ANKFY1: variants seen among roughly 807,000 people sequenced by gnomAD.
ANKFY1 encodes ankyrin repeat and FYVE domain containing 1.
Under a neutral mutation model 128.3 loss-of-function variants are expected in ANKFY1, and 47 were observed. The observed-to-expected ratio is 0.37, with a 90% confidence interval of 0.29 to 0.47. The LOEUF is 0.47. Ranked by LOEUF, ANKFY1 falls within the 20% of genes least tolerant of loss-of-function variation. The pLI is 1.00. For missense variants in ANKFY1, 1,222 were observed against 1,510.6 expected (o/e 0.81, Z 3.17); for synonymous variants, 553 against 601.6 (o/e 0.92, Z 1.18).
rs745966932 is a variant in ANKFY1 at position 4,194,883 on chromosome 17, C to T, written c.1372+95G>A. The T allele has an allele frequency of 1.1e-4, 121 of 1,119,146 alleles. 2 individuals carry two copies. The South Asian group carries it at 1.5e-3, about 14-fold the overall frequency. The allele number at this position is 1,119,146 out of a possible 1,614,324, so 69.3% of individuals were successfully genotyped here. A position where few individuals can be genotyped will look rare whatever the true frequency, so the allele number is the denominator to read the frequency against. ...CAAAATAATTATCCTCATAGTATGC[C>T]GTTCAGTTTCTAAATTTGGGGTGAA... is the stretch of plus-strand genomic sequence containing the variant. On this transcript the variant is annotated intron_variant, in intron 10 of 24. Coordinates refer to ENST00000341657, the MANE Select transcript of ANKFY1 (RefSeq NM_001330063.2).
At chr17:4,245,080 C>T (rs1320406982) in intron 1 of ANKFY1, among the ~76,000 whole-genome samples, 2 of 152,170 alleles carry the variant, frequency 1.3e-5, no homozygotes, top group Non-Finnish European at 2.9e-5. Context: ...TCTGACACCA[C>T]ATTGCACTGT....
chr17:4,167,769 G>C lies in ANKFY1; in HGVS notation c.*10C>G. ...ACCAAGGACGTGGCCTGGACCCTCCGGGGGGCTCACTAAGAAACCCCACCC... is the reference window on the plus strand; with the variant it reads ...ACCAAGGACGTGGCCTGGACCCTCCCGGGGGCTCACTAAGAAACCCCACCC... On this transcript the variant is annotated 3_prime_UTR_variant, in exon 25 of 25. Coordinates refer to ENST00000341657, the MANE Select transcript of ANKFY1 (RefSeq NM_001330063.2). The surrounding 1 kb of genome is among the most constrained non-coding windows in gnomAD (Gnocchi z 4.1). The C allele has an allele frequency of 1.9e-6, 3 of 1,610,732 alleles. No individual in the cohort carries two copies. The highest frequency in any genetic ancestry group is 2.2e-5 in the South Asian group (2 of 90,678).
chr17:4,166,045 T>C lies in ANKFY1; in HGVS notation c.*1734A>G, dbSNP rs901300683. Reference sequence around the variant, plus strand: ...TCTTTTAAACATTCTGTATGAAATATGTCAGACTGGGGGACGGGGGATCTC... The same window carrying C: ...TCTTTTAAACATTCTGTATGAAATACGTCAGACTGGGGGACGGGGGATCTC... On this transcript the variant is annotated 3_prime_UTR_variant, in exon 25 of 25. Coordinates refer to ENST00000341657, the MANE Select transcript of ANKFY1 (RefSeq NM_001330063.2). The C allele has an allele frequency of 1.3e-5, 2 of 152,250 alleles. No homozygotes were observed. The highest frequency in any genetic ancestry group is 1.9e-4 in the East Asian group (1 of 5,202). The allele number at this position is 152,250 out of a possible 1,614,324, so 9.4% of individuals were successfully genotyped here.
rs1383888825 is a variant in ANKFY1 at position 4,165,168 on chromosome 17, T to A, written c.*2611A>T. 6.6e-6 allele frequency: 1 copy of A among 152,234 alleles called. No individual in the cohort carries two copies. 9.4% of individuals were successfully genotyped at this position (152,234 alleles called of 1,614,324 possible). ...TTATATATAGCACATGGTCCGTACC[T>A]TTGTTTTAAAAACAACGACAACAAA... On this transcript the variant is annotated 3_prime_UTR_variant, in exon 25 of 25. Transcript: ENST00000341657.
rs1966996400 is a variant in ANKFY1, at chr17:4,238,037, G to C, written c.204-2147C>G. ...GGGACAAAACTGTTCTCCTGAACTTGAAATGTAGGCCAGGCACAGTGGCAC... is the reference window on the plus strand; with the variant it reads ...GGGACAAAACTGTTCTCCTGAACTTCAAATGTAGGCCAGGCACAGTGGCAC... On this transcript the variant is annotated intron_variant, in intron 2 of 24. Transcript: ENST00000341657. Among the ~76,000 whole-genome samples, 4 of 151,142 alleles carry C rather than the reference G, an allele frequency of 2.6e-5. No individual in the cohort carries two copies. In the South Asian group the frequency reaches 8.4e-4, roughly 32 times the overall value.
At chr17:4,177,787 TCTTA>T (rs987658313) in intron 18 of ANKFY1, 1 of 153,298 alleles carries the variant, frequency 6.5e-6, no homozygotes, top group Non-Finnish European at 1.5e-5. Flanking sequence ...GAAAGTTTCC[TCTTA>T]CTGAGCTACG....
At chr17:4,170,548 G>A (rs1346072319) in intron 23 of ANKFY1, among the ~76,000 whole-genome samples, 167 bp downstream of exon 23, 1 of 152,146 alleles carries the variant, frequency 6.6e-6, no homozygotes, top group East Asian at 1.9e-4. Flanking sequence ...TTCCCAACAC[G>A]CTCAAAAGTC....
At chr17:4,195,546 A>C in intron 8 of ANKFY1, 75 bp from the exon 9 acceptor site, 1 of 1,147,236 alleles carries the variant, frequency 8.7e-7, no homozygotes, top group Non-Finnish European at 1.3e-6. Context: ...ACGCAACCAG[A>C]ATCCCAGGCA....
chr17:4,236,995 G>C (rs1352056673), intron 2 of ANKFY1, among the ~76,000 whole-genome samples: 1 of 152,024 alleles, frequency 6.6e-6, no homozygotes, highest in Non-Finnish European at 1.5e-5. Context: ...AATTAGCCAA[G>C]CATGGTAGCA....
intron 7 of ANKFY1, among the ~76,000 whole-genome samples, chr17:4,202,234 G>T (rs552548488): frequency 2.6e-5 from 4 of 151,316 alleles, no homozygotes; most frequent in African/African-American, 7.3e-5. Context: ...AAACCCAATC[G>T]CTACAAAAAT....
rs543969849 is a variant in ANKFY1 at position 4,259,782 on chromosome 17, C to T, written c.10+4150G>A. Among the ~76,000 whole-genome samples, 3 of 152,272 alleles carry T rather than the reference C, an allele frequency of 2.0e-5. No individual in the cohort carries two copies. In the South Asian group the frequency reaches 6.2e-4, roughly 32 times the overall value. ...TCAATAAATTCATACATTCCTTCAACCACAGCCATGATTCTAAGCTGGGAG... is the reference window on the plus strand; with the variant it reads ...TCAATAAATTCATACATTCCTTCAATCACAGCCATGATTCTAAGCTGGGAG... On this transcript the variant is annotated intron_variant, in intron 1 of 24. Coordinates refer to ENST00000341657, the MANE Select transcript of ANKFY1 (RefSeq NM_001330063.2).
At position 4,235,893 on chromosome 17, in the gene ANKFY1, G is replaced by C; in HGVS notation, c.204-3C>G. On this transcript the variant is annotated splice_polypyrimidine_tract_variant and splice_region_variant and intron_variant, in intron 2 of 24. Transcript: ENST00000341657. ...CCCCAACCTTTATCTTCAGATCGCT[G>C]ATGAAGAAAAAGATCCACATATATT... 1 of 1,602,756 alleles carries C rather than the reference G, an allele frequency of 6.2e-7. No individual in the cohort carries two copies. Among genetic ancestry groups the C allele is most frequent in the Non-Finnish European group, 8.5e-7 (1 of 1,170,058 alleles).
In ANKFY1 at chr17:4,178,978, G is replaced by A. The variant is rs1598018413; in HGVS notation, c.2477C>T (p.Pro826Leu). 6.2e-7 allele frequency: 1 copy of A among 1,614,192 alleles called. No homozygotes were observed. The highest frequency in any genetic ancestry group is 1.7e-5 in the Admixed American group (1 of 60,028). ...GVIIQLLVSHPDIHLNVRDRQ... is the reference protein window; with the variant it reads ...GVIIQLLVSHLDIHLNVRDRQ... ...GTCTCGTACATTCAAATGGATATCGGGGTGAGAAACCAACAGCTGAATGAT... is the reference window on the plus strand; with the variant it reads ...GTCTCGTACATTCAAATGGATATCGAGGTGAGAAACCAACAGCTGAATGAT... The change falls in exon 18 of 25, where the codon CCC becomes CTC. Residue 826 changes from proline (P) to leucine (L), a missense_variant. Pro to Leu is a moderately conservative substitution (Grantham distance 98). Transcript: ENST00000341657. The surrounding 1 kb of genome is among the most constrained non-coding windows in gnomAD (Gnocchi z 4.1).
chr17:4,204,781 C>T (rs1445785043), intron 7 of ANKFY1, among the ~76,000 whole-genome samples: 1 of 151,946 alleles, frequency 6.6e-6, no homozygotes, highest in Admixed American at 6.6e-5. Flanking sequence ...AGAATCATTC[C>T]CTACGTGGTG....
At chr17:4,172,282 A>G (rs1189980131) in intron 22 of ANKFY1, among the ~76,000 whole-genome samples, 21 of 152,146 alleles carry the variant, frequency 1.4e-4, no homozygotes, top group Non-Finnish European at 5.9e-5. Flanking sequence ...TGACTGGACA[A>G]AAGGCAAATG....
At chr17:4,263,503 G>C in intron 1 of ANKFY1, 1 of 1,347,708 alleles carries the variant, frequency 7.4e-7, no homozygotes, top group Admixed American at 2.1e-5. Context: ...AGCCCGAGGA[G>C]ACCCACGCTC....
At chr17:4,168,510 TGA>T (rs1227961596) in intron 24 of ANKFY1, among the ~76,000 whole-genome samples, 1 of 152,192 alleles carries the variant, frequency 6.6e-6, no homozygotes. Flanking sequence ...TTTTCTTTTT[TGA>T]GATGAAGTCT....
intron 7 of ANKFY1, 47 bp downstream of exon 7, chr17:4,206,274 G>A: frequency 6.3e-7 from 1 of 1,591,706 alleles, no homozygotes; most frequent in South Asian, 1.1e-5. Context: ...AAATTACTCG[G>A]ATAAAAATAA....
chr17:4,184,955 G>A lies in ANKFY1; in HGVS notation c.1562C>T (p.Thr521Met), dbSNP rs201139906. Residue 521 changes from threonine (T) to methionine (M), a missense_variant, in exon 12 of 25, where the codon ACG (threonine) becomes ATG (methionine). Thr to Met is a moderately conservative substitution (Grantham distance 81). Coordinates refer to ENST00000341657, the MANE Select transcript of ANKFY1 (RefSeq NM_001330063.2). ...LQQGANPNLQ[T>M]EEALPLPKEA... ...CTTTGGCAGAGGCAGAGCTTCCTCC[G>A]TCTGCAGGTTTGGGTTGGCGCCTTG... 2.6e-4 allele frequency: 422 copies of A among 1,613,936 alleles called. No homozygotes were observed. Among genetic ancestry groups the A allele is most frequent in the Non-Finnish European group, 3.4e-4 (403 of 1,180,056 alleles).
Sources: gnomAD v4.1 joint callset for allele counts (sites outside exome capture counted in the v4.1 genomes callset) on GRCh38, gnomAD v4.1.1 for gene constraint, Gnocchi (gnomAD v3.1) non-coding constraint, MANE v1.5 for transcripts, NCBI Gene and HGNC (gene_info 2026-07-23, HGNC 2026-07-21) for gene names.